NUMB: variants seen among roughly 807,000 people sequenced by gnomAD.
NUMB encodes NUMB endocytic adaptor protein.
In NUMB, 29 loss-of-function variants were observed where a neutral mutation model predicts 59.7. The ratio of observed to expected loss-of-function variants is 0.49; its 90% CI spans 0.36 to 0.66. The LOEUF is 0.66. NUMB is among the 30% of genes least tolerant of loss of function. NUMB has a pLI of 0.00. For missense variants in NUMB, 723 were observed against 822.0 expected, an observed-to-expected ratio of 0.88 and a Z score of 1.47; for synonymous variants, 288 against 288.2, an observed-to-expected ratio of 1.00 and a Z score of 0.01.
chr14:73,290,571 T>C (rs1442092260), intron 8 of NUMB, among the ~76,000 whole-genome samples: 1 of 152,226 alleles, frequency 6.6e-6, no homozygotes, highest in Non-Finnish European at 1.5e-5. Context: ...GGTCAATTTT[T>C]AGACCATGGC....
At chr14:73,444,134 G>A (rs149394848) in intron 1 of NUMB, among the ~76,000 whole-genome samples, 103 of 152,210 alleles carry the variant, frequency 6.8e-4, no homozygotes, top group African/African-American at 2.1e-3. Flanking sequence ...GCACAGTGGC[G>A]GATGCCTGTA....
At chr14:73,338,910 CTGTGTCAATCAAAGGAAGGT>C (rs1479381520) in intron 4 of NUMB, among the ~76,000 whole-genome samples, 1 of 152,184 alleles carries the variant, frequency 6.6e-6, no homozygotes, top group African/African-American at 2.4e-5. Flanking sequence ...GCACAAATTG[CTGTGTCAATCAAAGGAAGGT>C]TGTACTTTGA....
chr14:73,294,211 G>T (rs556382348), intron 7 of NUMB, among the ~76,000 whole-genome samples: 1 of 152,214 alleles, frequency 6.6e-6, no homozygotes, highest in African/African-American at 2.4e-5. Context: ...ACATCAGGGC[G>T]TTTTTGTTCT....
At chr14:73,456,109 AC>A (rs1884350697) in intron 1 of NUMB, among the ~76,000 whole-genome samples, 1 of 148,462 alleles carries the variant, frequency 6.7e-6, no homozygotes, top group Non-Finnish European at 1.5e-5. Flanking sequence ...TCCCAAAAAA[AC>A]CTTTTTTTTT....
At chr14:73,388,157 T>C (rs1315727777) in intron 2 of NUMB, among the ~76,000 whole-genome samples, 1 of 152,238 alleles carries the variant, frequency 6.6e-6, no homozygotes, top group African/African-American at 2.4e-5. Context: ...ACATTTCAAG[T>C]GCTCGCTGGT....
At chr14:73,443,712 G>A (rs762296825) in intron 1 of NUMB, among the ~76,000 whole-genome samples, 4 of 151,364 alleles carry the variant, frequency 2.6e-5, no homozygotes, top group Non-Finnish European at 5.9e-5. Context: ...GTGCAGTAGC[G>A]TGATCTCAGC....
chr14:73,287,444 T>C, intron 8 of NUMB, 130 bp from the exon 9 acceptor site: 1 of 771,436 alleles, frequency 1.3e-6, no homozygotes, highest in Non-Finnish European at 2.0e-6. Context: ...AGTGGCGCAG[T>C]CTCTGCTCAC....
At chr14:73,349,413 C>A (rs945888570) in intron 4 of NUMB, among the ~76,000 whole-genome samples, 1 of 152,022 alleles carries the variant, frequency 6.6e-6, no homozygotes, top group Non-Finnish European at 1.5e-5. Flanking sequence ...CATGGTGAAA[C>A]CCCATCTCTA....
chr14:73,365,607 T>A (rs1479349965), intron 3 of NUMB, among the ~76,000 whole-genome samples: 4 of 131,998 alleles, frequency 3.0e-5, no homozygotes, highest in African/African-American at 9.0e-5. Context: ...TCTGTCTCCA[T>A]AAGAAAAAAA....
intron 2 of NUMB, among the ~76,000 whole-genome samples, chr14:73,387,281 T>C (rs1895590583): frequency 6.6e-6 from 1 of 152,142 alleles, no homozygotes; most frequent in Non-Finnish European, 1.5e-5. Context: ...TGCGAAGGAA[T>C]CATGGGGCGG....
rs1889839589 is a variant in NUMB at position 73,297,217 on chromosome 14, T to G, written c.303A>C (p.Lys101Asn). Residue 101 changes from lysine (K) to asparagine (N), a missense_variant, in exon 7 of 13, where the codon AAA becomes AAC. Around this residue, in one of 2 missense-constraint regions of NUMB, gnomAD observed 317 missense variants for 436.6 expected, o/e 0.73. Transcript: ENST00000555238. ...SADGLRVVDE[K>N]TKDLIVDQTI... ...TAAAAATAAAGAATCTTACCTTAGT[T>G]TTTTCATCCACAACTCTGAGTCCAT... 2 of 1,588,182 alleles carry G rather than the reference T, an allele frequency of 1.3e-6. No individual in the cohort carries two copies. Among genetic ancestry groups the G allele is most frequent in the Admixed American group, 1.7e-5 (1 of 59,170 alleles).
chr14:73,369,965 A>T (rs998102688), intron 2 of NUMB, among the ~76,000 whole-genome samples: 1 of 152,220 alleles, frequency 6.6e-6, no homozygotes, highest in African/African-American at 2.4e-5. Context: ...GAATTTTATT[A>T]AAAAGAATCA....
intron 8 of NUMB, among the ~76,000 whole-genome samples, chr14:73,288,769 G>A (rs2139820927): frequency 6.6e-6 from 1 of 151,694 alleles, no homozygotes; most frequent in African/African-American, 2.4e-5. Flanking sequence ...TGAGGCAGGA[G>A]AATCACTTGA....
At chr14:73,327,710 G>C (rs1346600717) in intron 4 of NUMB, among the ~76,000 whole-genome samples, 2 of 152,126 alleles carry the variant, frequency 1.3e-5, no homozygotes, top group Non-Finnish European at 2.9e-5. Flanking sequence ...GATGACTCTA[G>C]CTCATATACA....
chr14:73,331,135 C>A (rs1414478135), intron 4 of NUMB, among the ~76,000 whole-genome samples: 2 of 152,102 alleles, frequency 1.3e-5, no homozygotes, highest in South Asian at 4.1e-4. Context: ...ATTGTATAAT[C>A]CTTTATTATA....
At chr14:73,398,513 T>C (rs1896258531) in intron 2 of NUMB, among the ~76,000 whole-genome samples, 1 of 151,804 alleles carries the variant, frequency 6.6e-6, no homozygotes, top group African/African-American at 2.4e-5. Context: ...TAGGGTATTA[T>C]AGATGATCTT....
chr14:73,349,840 C>G (rs950365435), intron 4 of NUMB, among the ~76,000 whole-genome samples: 4 of 151,326 alleles, frequency 2.6e-5, no homozygotes, highest in Non-Finnish European at 5.9e-5. Flanking sequence ...GATCGCGCCA[C>G]TGCACTCCAG....
intron 4 of NUMB, among the ~76,000 whole-genome samples, chr14:73,340,076 C>G (rs1349961292): frequency 6.6e-6 from 1 of 152,180 alleles, no homozygotes. Flanking sequence ...ACTGATTAGG[C>G]TCTGGCCATT....
At chr14:73,418,419 G>T (rs1897218125) in intron 1 of NUMB, among the ~76,000 whole-genome samples, 1 of 152,144 alleles carries the variant, frequency 6.6e-6, no homozygotes, top group South Asian at 2.1e-4. Flanking sequence ...AGTGGTGATG[G>T]TTGCACAATA....
Sources: allele counts gnomAD v4.1 joint callset (sites outside exome capture counted in the v4.1 genomes callset), GRCh38; gene constraint gnomAD v4.1.1; regional missense constraint gnomAD v4.1.1; transcripts MANE v1.5; gene names NCBI Gene and HGNC (gene_info 2026-07-23, HGNC 2026-07-21).